Variants in KATNBL1 observed in about 807,000 individuals in gnomAD.
KATNBL1 encodes the protein KATNB1-like protein 1.
Under a neutral mutation model 44.7 loss-of-function variants are expected in KATNBL1, and 28 were observed. The observed-to-expected ratio is 0.63, with a 90% CI of 0.46 to 0.86. KATNBL1 has a LOEUF of 0.86. KATNBL1 is among the 40% of genes least tolerant of loss of function. The probability of loss-of-function intolerance (pLI) is 0.00; values close to 1 mark genes in which losing one functional copy is unlikely to be tolerated. For missense variants in KATNBL1, 272 were observed against 350.7 expected (o/e 0.78, Z 1.79); for synonymous variants, 78 against 114.9 (o/e 0.68, Z 2.06).
chr15:34,202,370 T>G (rs1479878991), intron 1 of KATNBL1, among the ~76,000 whole-genome samples: 1 of 152,146 alleles, frequency 6.6e-6, no homozygotes, highest in African/African-American at 2.4e-5. Flanking sequence ...AAGTATACCC[T>G]AAGCCTTGGA....
intron 1 of KATNBL1, among the ~76,000 whole-genome samples, chr15:34,180,896 CA>C (rs940115552): frequency 6.6e-6 from 1 of 151,366 alleles, no homozygotes; most frequent in African/African-American, 2.4e-5. Flanking sequence ...GACCCGTCTC[CA>C]AAAAAAACCA....
At chr15:34,142,624 C>T (rs1399119839) in intron 9 of KATNBL1, 1 of 378,878 alleles carries the variant, frequency 2.6e-6, no homozygotes, top group Admixed American at 4.5e-5. Context: ...ACTCTGCTTT[C>T]ATAGCTAACA....
intron 1 of KATNBL1, among the ~76,000 whole-genome samples, chr15:34,202,718 C>T (rs760008067): frequency 2.0e-5 from 3 of 152,212 alleles, no homozygotes; most frequent in South Asian, 2.1e-4. Flanking sequence ...CGGCCAGGCG[C>T]GGTGGTTCAC....
At chr15:34,181,095 T>C (rs1004353324) in intron 1 of KATNBL1, among the ~76,000 whole-genome samples, 18 of 152,190 alleles carry the variant, frequency 1.2e-4, no homozygotes, top group African/African-American at 3.9e-4. Context: ...GTGTTACCTA[T>C]AGTGTTCATG....
intron 1 of KATNBL1, among the ~76,000 whole-genome samples, chr15:34,195,710 AAAAC>A (rs1890013226): frequency 1.3e-5 from 2 of 151,900 alleles, no homozygotes; most frequent in Admixed American, 6.6e-5. Context: ...AAAAACCCAA[AAAAC>A]AAACAAACAA....
chr15:34,146,845 A>T lies in KATNBL1; in HGVS notation c.704T>A (p.Val235Asp). The stretch of plus-strand genomic sequence containing the variant: ...TTGAAGCCAGTTTAAACCAACTATA[A>T]CATATCTGAAATGACATTTTGTTAC... ...SLLKSKFEEY[V>D]IVGLNWLQAV... Residue 235 changes from valine (V) to aspartate (D), a missense_variant, in exon 8 of 10, where the codon GTT becomes GAT. Val to Asp is a radical substitution (Grantham distance 152). This residue lies in a region of KATNBL1 where 111 missense variants were observed against 149.3 expected (regional missense o/e 0.74). Transcript: ENST00000256544. 6.3e-7 allele frequency: 1 copy of T among 1,582,158 alleles called. No individual in the cohort carries two copies. Among genetic ancestry groups the T allele is most frequent in the Non-Finnish European group, 8.7e-7 (1 of 1,151,654 alleles).
intron 1 of KATNBL1, among the ~76,000 whole-genome samples, chr15:34,203,930 G>A (rs2141006799): frequency 6.6e-6 from 1 of 151,212 alleles, no homozygotes; most frequent in South Asian, 2.1e-4. Flanking sequence ...ACCTAATGTA[G>A]ATGACGGGTT....
At chr15:34,183,892 G>A (rs1398359783) in intron 1 of KATNBL1, among the ~76,000 whole-genome samples, 1 of 152,152 alleles carries the variant, frequency 6.6e-6, no homozygotes, top group South Asian at 2.1e-4. Flanking sequence ...AAACTCGGCT[G>A]GGTGCGGTGG....
chr15:34,185,486 G>A (rs1020228950), intron 1 of KATNBL1, among the ~76,000 whole-genome samples: 7 of 152,130 alleles, frequency 4.6e-5, no homozygotes, highest in Non-Finnish European at 7.3e-5. Flanking sequence ...GTATATTTAC[G>A]TATGCAATGT....
intron 2 of KATNBL1, among the ~76,000 whole-genome samples, chr15:34,161,979 T>A (rs775085438): frequency 1.3e-4 from 20 of 152,330 alleles, no homozygotes; most frequent in Middle Eastern, 3.4e-3. Flanking sequence ...TACTTAATAA[T>A]TGAGGCATAT....
rs1267129047 is a variant in KATNBL1 at position 34,152,880 on chromosome 15, A to G, written c.348T>C (p.His116=). The G allele has an allele frequency of 5.6e-6, 9 of 1,613,832 alleles. No individual in the cohort carries two copies. In the African/African-American group the frequency reaches 9.3e-5, roughly 17 times the overall value. ...AGTTAACCAAATATGTTCGACTATCATGGTGTAATTTTTCAGGCAGGTGGC... is the reference window on the plus strand; with the variant it reads ...AGTTAACCAAATATGTTCGACTATCGTGGTGTAATTTTTCAGGCAGGTGGC... ...CAGHLPEKLH[H]DSRTYLVNSS... The change falls in exon 4 of 10, where the codon CAT becomes CAC. Residue 116 remains histidine (H), a synonymous_variant. Transcript: ENST00000256544.
intron 1 of KATNBL1, among the ~76,000 whole-genome samples, chr15:34,179,849 C>T (rs1836978): frequency 0.54 from 82,082 of 152,084 alleles, 23,710 homozygotes; most frequent in East Asian, 0.71. Context: ...TTTTTATAAT[C>T]TGAAGAAATA....
At chr15:34,200,983 A>AT (rs1169331482) in intron 1 of KATNBL1, among the ~76,000 whole-genome samples, 1 of 151,844 alleles carries the variant, frequency 6.6e-6, no homozygotes, top group South Asian at 2.1e-4. Flanking sequence ...CACCTGGCTA[A>AT]TTTTTTGTAT....
At chr15:34,195,765 A>C (rs1285247982) in intron 1 of KATNBL1, among the ~76,000 whole-genome samples, 3 of 152,000 alleles carry the variant, frequency 2.0e-5, no homozygotes, top group Non-Finnish European at 2.9e-5. Context: ...CTGTCAAATG[A>C]CTATGTATTG....
At chr15:34,201,447 G>A (rs1890174514) in intron 1 of KATNBL1, among the ~76,000 whole-genome samples, 2 of 152,132 alleles carry the variant, frequency 1.3e-5, no homozygotes, top group South Asian at 2.1e-4. Flanking sequence ...GGGGGTGAAG[G>A]GAGAAGACTT....
At chr15:34,168,390 T>A (rs2140940229) in intron 1 of KATNBL1, among the ~76,000 whole-genome samples, 1 of 152,286 alleles carries the variant, frequency 6.6e-6, no homozygotes, top group East Asian at 1.9e-4. Context: ...AAGAGCTAAC[T>A]ATCTTAAATA....
chr15:34,190,530 A>G (rs1481067894), intron 1 of KATNBL1, among the ~76,000 whole-genome samples: 1 of 152,228 alleles, frequency 6.6e-6, no homozygotes, highest in East Asian at 1.9e-4. Flanking sequence ...TATACTCAAA[A>G]TTCAGAATCC....
chr15:34,154,533 G>T, intron 3 of KATNBL1, 111 bp downstream of exon 3: 1 of 734,318 alleles, frequency 1.4e-6, no homozygotes, highest in South Asian at 1.6e-5. Context: ...GAAGCTGTTT[G>T]ACAATAAGTT....
At chr15:34,195,693 A>AAAAAAAAAAACAAAAAAAAAAAC (rs1890011951) in intron 1 of KATNBL1, among the ~76,000 whole-genome samples, 1 of 150,246 alleles carries the variant, frequency 6.7e-6, no homozygotes, top group African/African-American at 2.5e-5. Flanking sequence ...GCCATCTCAA[A>AAAAAAAAAAACAAAAAAAAAAAC]AAAAAAAAAA....
Sources: gnomAD v4.1 joint callset for allele counts (sites outside exome capture counted in the v4.1 genomes callset) on GRCh38, gnomAD v4.1.1 for gene constraint, gnomAD v4.1.1 regional missense constraint, MANE v1.5 for transcripts, NCBI Gene and HGNC (gene_info 2026-07-23, HGNC 2026-07-21) for gene names.